Variants in FREM3 observed in about 807,000 individuals in gnomAD.
The protein encoded by FREM3 is FRAS1-related extracellular matrix protein 3.
FREM3 carries 105 observed loss-of-function variants against 129.1 expected under a neutral mutation model. That is an observed-to-expected ratio of 0.81 (90% CI 0.69 to 0.96). FREM3 has a LOEUF of 0.96. Among genes scored for constraint, FREM3 ranks in the 40% least tolerant of loss-of-function variants. The pLI is 0.00. For missense variants in FREM3, 2,593 were observed against 2,666.3 expected (o/e 0.97, Z 0.61); for synonymous variants, 1,014 against 1,044.9 (o/e 0.97, Z 0.57).
At chr4:143,682,516 G>A (rs1383781184) in intron 2 of FREM3, among the ~76,000 whole-genome samples, 4 of 152,240 alleles carry the variant, frequency 2.6e-5, no homozygotes, top group East Asian at 1.9e-4. Context: ...TTCTGTATCC[G>A]GGCCCTTGAG....
rs906529872 is a variant in FREM3, at chr4:143,636,370, C to T, written c.5276-8610G>A. Among the ~76,000 whole-genome samples the T allele has an allele frequency of 6.2e-5, 9 of 145,556 alleles. No individual in the cohort carries two copies. In the East Asian group the frequency reaches 1.8e-3, roughly 29 times the overall value. On this transcript the variant is annotated intron_variant, in intron 2 of 7. Coordinates refer to ENST00000329798, the MANE Select transcript of FREM3 (RefSeq NM_001168235.2). ...AAAAAAAAAGACATGGAGAGATGGT[C>T]AAGCTGAAGGAGACAGGAATCAGTA...
intron 2 of FREM3, among the ~76,000 whole-genome samples, chr4:143,665,839 C>T (rs932877717): frequency 1.3e-5 from 2 of 152,058 alleles, no homozygotes; most frequent in Admixed American, 1.3e-4. Context: ...CTAACTAGCC[C>T]TTGTGTTCTA....
At chr4:143,591,926 G>A (rs1392157016) in intron 6 of FREM3, among the ~76,000 whole-genome samples, 1 of 152,254 alleles carries the variant, frequency 6.6e-6, no homozygotes, top group Non-Finnish European at 1.5e-5. Context: ...GGATGCTCCT[G>A]TACTGGGTAC....
At chr4:143,657,167 CAATT>C in intron 2 of FREM3, among the ~76,000 whole-genome samples, 1 of 152,184 alleles carries the variant, frequency 6.6e-6, no homozygotes, top group East Asian at 1.9e-4. Context: ...TAGTCATACT[CAATT>C]AAACTGTTTC....
chr4:143,628,257 A>T (rs1194400637), intron 2 of FREM3, among the ~76,000 whole-genome samples: 1 of 152,122 alleles, frequency 6.6e-6, no homozygotes, highest in Non-Finnish European at 1.5e-5. Context: ...ACATAGTATG[A>T]TGTATTGAAC....
In FREM3 at chr4:143,577,847, T is replaced by C; in HGVS notation, c.6184A>G (p.Thr2062Ala). 1 of 1,535,146 alleles carries C rather than the reference T, an allele frequency of 6.5e-7. No homozygotes were observed. Among genetic ancestry groups the C allele is most frequent in the Non-Finnish European group, 8.7e-7 (1 of 1,146,062 alleles). The change falls in exon 8 of 8, where the codon ACA becomes GCA. Residue 2062 changes from threonine to alanine, a missense_variant. Physicochemically the swap from Thr to Ala is moderately conservative, Grantham distance 58. Coordinates refer to ENST00000329798, the MANE Select transcript of FREM3 (RefSeq NM_001168235.2). ...KSEQESAEAG[T>A]DYVGISRNLD... ...TTTCGGCTGATACCAACATAATCTG[T>C]TCCAGCTAGTGAAAAAGGAAAAGGC...
Position 143,685,087 on chromosome 4 carries a change from T to C in FREM3, c.5275+8026A>G, listed in dbSNP as rs1740335169. Among the ~76,000 whole-genome samples, 4 of 152,154 alleles carry C rather than the reference T, an allele frequency of 2.6e-5. No homozygotes were observed. In the South Asian group the frequency reaches 8.3e-4, roughly 32 times the overall value. ...AATTTAAAAAACATTTTTGGGGGAA[T>C]AATCAAGGAAAACTTCCCCAGCCTC... On this transcript the variant is annotated intron_variant, in intron 2 of 7. Transcript: ENST00000329798.
chr4:143,664,628 T>G (rs965088191), intron 2 of FREM3, among the ~76,000 whole-genome samples: 5 of 152,080 alleles, frequency 3.3e-5, no homozygotes, highest in South Asian at 2.1e-4. Context: ...CTGTCAGACT[T>G]GGACATTTAA....
At chr4:143,673,934 A>G (rs907573194) in intron 2 of FREM3, among the ~76,000 whole-genome samples, 3 of 152,212 alleles carry the variant, frequency 2.0e-5, no homozygotes, top group African/African-American at 7.2e-5. Flanking sequence ...TGCTAAGACC[A>G]TTGGAAAAGT....
At chr4:143,594,332 T>C (rs541518395) in intron 6 of FREM3, among the ~76,000 whole-genome samples, 127 of 152,184 alleles carry the variant, frequency 8.3e-4, no homozygotes, top group Non-Finnish European at 1.6e-3. Flanking sequence ...CGCTGGGAGC[T>C]GTAGACTGGA....
intron 6 of FREM3, among the ~76,000 whole-genome samples, chr4:143,591,056 C>T (rs1047594170): frequency 6.6e-6 from 1 of 152,018 alleles, no homozygotes; most frequent in Admixed American, 6.6e-5. Context: ...CTGATGGTAG[C>T]TTTTATTTCT....
At chr4:143,669,521 C>T (rs1416113328) in intron 2 of FREM3, among the ~76,000 whole-genome samples, 1 of 151,766 alleles carries the variant, frequency 6.6e-6, no homozygotes, top group Non-Finnish European at 1.5e-5. Context: ...CTCTTGGCGT[C>T]AAGTGATGCT....
chr4:143,618,963 A>C (rs1367579219), intron 5 of FREM3, among the ~76,000 whole-genome samples: 1 of 152,176 alleles, frequency 6.6e-6, no homozygotes, highest in Non-Finnish European at 1.5e-5. Flanking sequence ...ACTTAGCCAA[A>C]CAATGCATAA....
At chr4:143,662,755 A>G (rs1739761367) in intron 2 of FREM3, among the ~76,000 whole-genome samples, 1 of 151,888 alleles carries the variant, frequency 6.6e-6, no homozygotes, top group African/African-American at 2.4e-5. Context: ...TGCTTTATGA[A>G]TCTGGGTGCT....
intron 6 of FREM3, among the ~76,000 whole-genome samples, chr4:143,595,711 C>T (rs908220575): frequency 2.0e-5 from 3 of 151,878 alleles, no homozygotes; most frequent in Non-Finnish European, 2.9e-5. Flanking sequence ...CACGGTGAAA[C>T]CCCGTCTCTA....
chr4:143,675,815 C>T (rs1190144716), intron 2 of FREM3, among the ~76,000 whole-genome samples: 13 of 152,208 alleles, frequency 8.5e-5, no homozygotes, highest in South Asian at 8.3e-4. Flanking sequence ...TTCCTCCACA[C>T]GTACACCCTC....
At chr4:143,638,400 A>G (rs1739268921) in intron 2 of FREM3, among the ~76,000 whole-genome samples, 1 of 152,204 alleles carries the variant, frequency 6.6e-6, no homozygotes, top group Non-Finnish European at 1.5e-5. Context: ...GGCAGAAAAC[A>G]TTGTACCTTC....
At position 143,699,045 on chromosome 4, in the gene FREM3, G is replaced by A; in HGVS notation, c.1631C>T (p.Pro544Leu). The A allele has an allele frequency of 1.3e-6, 2 of 1,537,356 alleles. No individual in the cohort carries two copies. The highest frequency in any genetic ancestry group is 1.2e-5 in the South Asian group (1 of 84,060). The change falls in exon 1 of 8, where the codon CCA becomes CTA. Residue 544 changes from proline to leucine, a missense_variant. Pro to Leu is a moderately conservative substitution (Grantham distance 98). Around this residue, in one of 2 missense-constraint regions of FREM3, gnomAD observed 2,276 missense variants for 2,267.2 expected, o/e 1.00. Coordinates refer to ENST00000329798, the MANE Select transcript of FREM3 (RefSeq NM_001168235.2). This position sits in a 1 kb window ranked among gnomAD's most constrained non-coding sequence, Gnocchi z 4.2. ...GAGTCCTGTGTTAGTATTGACCATT[G>A]GTGGTTCATCATCCACAGGTAGGAT... Reference protein sequence around the residue: ...LTILPVDDEPPMVNTNTGLSL... With the variant: ...LTILPVDDEPLMVNTNTGLSL...
intron 2 of FREM3, among the ~76,000 whole-genome samples, chr4:143,675,240 TC>T (rs1188197400): frequency 6.6e-6 from 1 of 152,030 alleles, no homozygotes; most frequent in Non-Finnish European, 1.5e-5. Context: ...AGAAACTCAC[TC>T]AAAACCGCTC....
Sources: allele counts gnomAD v4.1 joint callset (sites outside exome capture counted in the v4.1 genomes callset), GRCh38; gene constraint gnomAD v4.1.1; regional missense constraint gnomAD v4.1.1; non-coding constraint Gnocchi (gnomAD v3.1); transcripts MANE v1.5; gene names NCBI Gene and HGNC (gene_info 2026-07-23, HGNC 2026-07-21).